Variants in ITPA observed in about 807,000 individuals in gnomAD.
ITPA encodes the protein inosine triphosphatase.
A neutral mutation model predicts 29.6 loss-of-function variants in ITPA; 29 were observed. That is an observed-to-expected ratio of 0.98 (90% CI 0.73 to 1.34). ITPA has a LOEUF of 1.34. Among genes scored for constraint, ITPA ranks in the 40% most tolerant of loss-of-function variants. ITPA has a pLI of 0.00. For missense variants in ITPA, 241 were observed against 251.5 expected, an observed-to-expected ratio of 0.96 and a Z score of 0.28; for synonymous variants, 103 against 99.3, an observed-to-expected ratio of 1.04 and a Z score of -0.22.
chr20:3,204,682 GGCCCCGCC>G, upstream of ITPA: 1 of 1,510,968 alleles, frequency 6.6e-7, no homozygotes, highest in Non-Finnish European at 8.9e-7. Flanking sequence ...GGATCTCATA[GGCCCCGCC>G]CCTATTTCCC....
At chr20:3,222,552 G>C (rs1406389747) in intron 7 of ITPA, among the ~76,000 whole-genome samples, 3 of 152,162 alleles carry the variant, frequency 2.0e-5, no homozygotes, top group Admixed American at 1.3e-4. Context: ...CCCCATCTAG[G>C]TTGGGAAAAT....
intron 1 of ITPA, among the ~76,000 whole-genome samples, chr20:3,210,713 A>C (rs1349192970): frequency 6.6e-6 from 1 of 152,152 alleles, no homozygotes; most frequent in African/African-American, 2.4e-5. Context: ...GACAGTGGGC[A>C]TGAGACCCCA....
At chr20:3,215,921 A>G (rs2067285556) in intron 5 of ITPA, among the ~76,000 whole-genome samples, 4 of 152,118 alleles carry the variant, frequency 2.6e-5, no homozygotes, top group Admixed American at 2.6e-4. Flanking sequence ...CCTGACCTCA[A>G]GTGATCCGCC....
chr20:3,216,747 C>T lies in ITPA; in HGVS notation c.295+1435C>T, dbSNP rs912818421. ...GTTTACAGGCGTGATCCACTGAGCC[C>T]GGCTTAATTTTTGTATTTTTAGTAG... On this transcript the variant is annotated intron_variant, in intron 5 of 7. Coordinates refer to ENST00000380113, the MANE Select transcript of ITPA (RefSeq NM_033453.4). Among the ~76,000 whole-genome samples, 9 of 152,150 alleles carry T rather than the reference C, an allele frequency of 5.9e-5. No homozygotes were observed. The South Asian group carries it at 1.7e-3, about 28-fold the overall frequency.
In ITPA at chr20:3,209,510, C is replaced by T. The variant is rs777576449; in HGVS notation, c.-42C>T. On this transcript the variant is annotated 5_prime_UTR_variant, in exon 1 of 8. Coordinates refer to ENST00000380113, the MANE Select transcript of ITPA (RefSeq NM_033453.4). The surrounding 1 kb of genome is among the most constrained non-coding windows in gnomAD (Gnocchi z 4.6). The stretch of plus-strand genomic sequence containing the variant: ...CCGGAAGTTTTCTGTCACTGGACGC[C>T]AAGGAGTTTTCGGTGGCTCAGCTGG... The T allele has an allele frequency of 4.4e-6, 7 of 1,585,954 alleles. No individual in the cohort carries two copies. In the Admixed American group the frequency reaches 6.7e-5, roughly 15 times the overall value.
chr20:3,204,725 G>A, upstream of ITPA: 1 of 1,222,040 alleles, frequency 8.2e-7, no homozygotes, highest in Non-Finnish European at 1.1e-6. Flanking sequence ...CCACTACTCG[G>A]AGCCCCGCCC....
intron 7 of ITPA, among the ~76,000 whole-genome samples, chr20:3,223,134 A>G (rs1199590585): frequency 6.6e-6 from 1 of 152,182 alleles, no homozygotes; most frequent in Non-Finnish European, 1.5e-5. Context: ...GGCACACTAG[A>G]GCAAGTTTAA....
chr20:3,214,540 G>GTATT (rs953404274), intron 4 of ITPA, among the ~76,000 whole-genome samples: 4 of 149,572 alleles, frequency 2.7e-5, no homozygotes, highest in South Asian at 4.3e-4. Context: ...CTAATTTTTT[G>GTATT]TATTTATTTA....
chr20:3,218,928 G>A, intron 6 of ITPA: 2 of 463,248 alleles, frequency 4.3e-6, no homozygotes, highest in East Asian at 8.5e-5. Flanking sequence ...CCCTGAGGCT[G>A]TTGTTTCAGG....
Position 3,209,601 on chromosome 20 carries a change from C to A in ITPA, c.50C>A (p.Ala17Asp), listed in dbSNP as rs779078806. 6.2e-7 allele frequency: 1 copy of A among 1,614,064 alleles called. No homozygotes were observed. ...GKKIVFVTGN[A>D]KKLEEVVQIL... is the part of the protein sequence containing the mutation. The stretch of plus-strand genomic sequence containing the variant: ...AAGATCGTGTTTGTAACGGGGAACG[C>A]CAAGAAGCTGGAGGAGGTGCCGGGA... Residue 17 changes from alanine (A) to aspartate (D), a missense_variant, in exon 1 of 8, where the codon GCC (alanine) becomes GAC (aspartate). Transcript: ENST00000380113. The surrounding 1 kb of genome is among the most constrained non-coding windows in gnomAD (Gnocchi z 4.6).
intron 1 of ITPA, among the ~76,000 whole-genome samples, chr20:3,210,307 T>G (rs1209373727): frequency 6.6e-6 from 1 of 152,232 alleles, no homozygotes; most frequent in Non-Finnish European, 1.5e-5. Context: ...GAAGCTGACT[T>G]GTCCTTGTTC....
chr20:3,220,219 G>A (rs892542411), intron 6 of ITPA, among the ~76,000 whole-genome samples: 2 of 151,804 alleles, frequency 1.3e-5, no homozygotes, highest in African/African-American at 2.4e-5. Context: ...CACCACACCC[G>A]GCTAATTTTT....
In ITPA at chr20:3,209,721, A is replaced by G. The variant is rs895693084; in HGVS notation, c.66+104A>G. ...ACGTGGGAGGAGGCATGGAGAGAGA[A>G]CAGAATTCAGCCCGGAAGAATGGGT... On this transcript the variant is annotated intron_variant, in intron 1 of 7. Transcript: ENST00000380113. The surrounding 1 kb of genome is among the most constrained non-coding windows in gnomAD (Gnocchi z 4.6). 31 of 934,798 alleles carry G rather than the reference A, an allele frequency of 3.3e-5. No homozygotes were observed. The highest frequency in any genetic ancestry group is 5.2e-5 in the Non-Finnish European group (31 of 595,682). 57.9% of individuals were successfully genotyped at this position (934,798 alleles called of 1,614,324 possible). A position where few individuals can be genotyped will look rare whatever the true frequency, so the allele number is the denominator to read the frequency against.
At chr20:3,224,490 G>A (rs578002587), downstream of ITPA, among the ~76,000 whole-genome samples, 120 of 152,326 alleles carry the variant, frequency 7.9e-4, no homozygotes, top group Admixed American at 6.3e-3. Context: ...GGCCCCTGCC[G>A]TCCCTGTGAC....
chr20:3,215,225 G>T, intron 4 of ITPA, 56 bp from the exon 5 acceptor site: 1 of 1,568,648 alleles, frequency 6.4e-7, no homozygotes, highest in Non-Finnish European at 8.8e-7. Context: ...CCTGGAAAAG[G>T]TGGTAAGAAG....
intron 5 of ITPA, 73 bp from the exon 6 acceptor site, chr20:3,218,444 T>G: frequency 1.9e-6 from 2 of 1,063,004 alleles, no homozygotes; most frequent in Non-Finnish European, 2.9e-6. Flanking sequence ...TCCCCACCCT[T>G]AGTGGGCGTC....
Position 3,223,580 on chromosome 20 carries a change from G to C in ITPA, c.*118G>C. 4 of 778,428 alleles carry C rather than the reference G, an allele frequency of 5.1e-6. No homozygotes were observed. The highest frequency in any genetic ancestry group is 8.7e-6 in the Non-Finnish European group (4 of 457,988). 48.2% of individuals were successfully genotyped at this position (778,428 alleles called of 1,614,324 possible). ...CCTTCAGGGTTTCCCCTTTGTGAGG[G>C]TGTCGAGTAGCCTCACCGGCCTGTC... On this transcript the variant is annotated 3_prime_UTR_variant, in exon 8 of 8. Transcript: ENST00000380113.
intron 1 of ITPA, among the ~76,000 whole-genome samples, chr20:3,211,362 C>T (rs967300605): frequency 2.0e-5 from 3 of 151,794 alleles, no homozygotes; most frequent in Non-Finnish European, 2.9e-5. Context: ...AACGGGATTT[C>T]GTCATGTTGG....
At chr20:3,215,436 C>G in intron 5 of ITPA, 124 bp downstream of exon 5, 1 of 829,040 alleles carries the variant, frequency 1.2e-6, no homozygotes, top group Non-Finnish European at 2.0e-6. Context: ...GAGCCTCCAC[C>G]TCATTTTCCC....
Sources: gnomAD v4.1 joint callset for allele counts (sites outside exome capture counted in the v4.1 genomes callset) on GRCh38, gnomAD v4.1.1 for gene constraint, Gnocchi (gnomAD v3.1) non-coding constraint, MANE v1.5 for transcripts, NCBI Gene and HGNC (gene_info 2026-07-23, HGNC 2026-07-21) for gene names.